Variants in SLC30A8 observed in about 807,000 individuals in gnomAD.
SLC30A8 encodes proton-coupled zinc antiporter SLC30A8.
Under a neutral mutation model 36.9 loss-of-function variants are expected in SLC30A8, and 27 were observed. The ratio of observed to expected loss-of-function variants is 0.73; its 90% CI spans 0.54 to 1.01. The LOEUF (loss-of-function observed/expected upper bound fraction) is 1.01, where lower values mean the gene tolerates loss of function less well. Among genes scored for constraint, SLC30A8 ranks in the 50% least tolerant of loss-of-function variants. The pLI is 0.00. For missense variants in SLC30A8, 439 were observed against 452.0 expected, an observed-to-expected ratio of 0.97 and a Z score of 0.26; for synonymous variants, 164 against 172.4, an observed-to-expected ratio of 0.95 and a Z score of 0.38.
At chr8:117,079,842 G>A (rs111804892) in intron 2 of SLC30A8, among the ~76,000 whole-genome samples, 344 of 152,266 alleles carry the variant, frequency 2.3e-3, no homozygotes, top group African/African-American at 7.8e-3. Flanking sequence ...TGAATTCCCC[G>A]TTGTTAAACT....
rs115844906 is a variant in SLC30A8 at position 117,099,768 on chromosome 8, G to T, written c.-225-35512G>T. 8.5e-3 allele frequency among the ~76,000 whole-genome samples: 1,294 copies of T among 152,244 alleles called. 15 individuals are homozygous for T. Among genetic ancestry groups the T allele is most frequent in the African/African-American group, 0.029 (1,222 of 41,544 alleles). Reference sequence around the variant, plus strand: ...TAAACATACACTAACCGATGGAAGGGTTTATTGATAAAATAAACTCTGAGT... The same window carrying T: ...TAAACATACACTAACCGATGGAAGGTTTTATTGATAAAATAAACTCTGAGT... On this transcript the variant is annotated intron_variant, in intron 2 of 10. Coordinates refer to the SLC30A8 transcript ENST00000427715.
intron 2 of SLC30A8, among the ~76,000 whole-genome samples, chr8:117,120,904 G>A (rs1405189414): frequency 2.0e-5 from 3 of 151,672 alleles, no homozygotes; most frequent in Non-Finnish European, 4.4e-5. Context: ...CTAATCATCA[G>A]AAAAATGCAC....
At chr8:116,954,549 T>C (rs1195121845) in intron 1 of SLC30A8, among the ~76,000 whole-genome samples, 1 of 152,172 alleles carries the variant, frequency 6.6e-6, no homozygotes, top group Non-Finnish European at 1.5e-5. Context: ...TAAAAATATC[T>C]TTTAAATTTA....
intron 2 of SLC30A8, among the ~76,000 whole-genome samples, chr8:117,091,103 A>T (rs1025788809): frequency 6.6e-6 from 1 of 152,050 alleles, no homozygotes; most frequent in African/African-American, 2.4e-5. Context: ...TGGCAGAGCC[A>T]CTTCATCTCA....
intron 2 of SLC30A8, among the ~76,000 whole-genome samples, chr8:117,060,390 G>A (rs1029321198): frequency 1.3e-5 from 2 of 151,996 alleles, no homozygotes; most frequent in African/African-American, 4.8e-5. Context: ...CAAGTGAGTG[G>A]TATTGGTGCT....
chr8:117,072,689 T>A (rs1186500303), intron 2 of SLC30A8, among the ~76,000 whole-genome samples: 1 of 152,174 alleles, frequency 6.6e-6, no homozygotes, highest in Non-Finnish European at 1.5e-5. Flanking sequence ...CCCAGATGTT[T>A]TATAGACCCA....
chr8:116,997,579 C>G (rs745412130), intron 1 of SLC30A8, among the ~76,000 whole-genome samples: 1 of 151,754 alleles, frequency 6.6e-6, no homozygotes, highest in Non-Finnish European at 1.5e-5. Flanking sequence ...AATTTACTTA[C>G]CAAAACCTAA....
chr8:117,019,649 A>G (rs1173254307), intron 1 of SLC30A8, among the ~76,000 whole-genome samples: 1 of 152,184 alleles, frequency 6.6e-6, no homozygotes, highest in East Asian at 1.9e-4. Flanking sequence ...TAGTAATCCC[A>G]GCACCTAGCT....
Position 117,174,219 on chromosome 8 carries a change from A to C in SLC30A8, c.*1538A>C, listed in dbSNP as rs1165299268. ...TGTCAGACTCTAGCAAGGTACTAGAAACCTAGCAGGCATTAATAATTGTTG... is the reference window on the plus strand; with the variant it reads ...TGTCAGACTCTAGCAAGGTACTAGACACCTAGCAGGCATTAATAATTGTTG... On this transcript the variant is annotated 3_prime_UTR_variant, in exon 8 of 8. Coordinates refer to ENST00000456015, the MANE Select transcript of SLC30A8 (RefSeq NM_173851.3). 1 of 152,124 alleles carries C rather than the reference A, an allele frequency of 6.6e-6. No individual in the cohort carries two copies. The highest frequency in any genetic ancestry group is 2.4e-5 in the African/African-American group (1 of 41,436). 9.4% of individuals were successfully genotyped at this position (152,124 alleles called of 1,614,324 possible).
intron 2 of SLC30A8, among the ~76,000 whole-genome samples, chr8:117,112,764 C>G (rs1820284630): frequency 6.6e-6 from 1 of 152,136 alleles, no homozygotes; most frequent in Admixed American, 6.6e-5. Flanking sequence ...GACTCAATAT[C>G]TAGTCCAGGG....
In SLC30A8 at chr8:117,019,512, G is replaced by T. The variant is rs762642064; in HGVS notation, c.-265-19707G>T. 1.1e-4 allele frequency among the ~76,000 whole-genome samples: 16 copies of T among 152,274 alleles called. 1 individual carries two copies. The highest frequency in any genetic ancestry group is 2.1e-4 in the Non-Finnish European group (14 of 68,012). ...TGTCCTATTACAAGAGGGCAACAGA[G>T]TTCAGTTTCATAACTCCCAGTTCTT... On this transcript the variant is annotated intron_variant, in intron 1 of 10. Transcript: ENST00000427715.
intron 6 of SLC30A8, among the ~76,000 whole-genome samples, chr8:117,164,542 G>A (rs945184075): frequency 1.3e-5 from 2 of 152,074 alleles, no homozygotes; most frequent in African/African-American, 2.4e-5. Flanking sequence ...CAACTGTACT[G>A]CAGCCTGGGT....
chr8:117,097,410 A>ATATAT (rs1563593753), intron 2 of SLC30A8, among the ~76,000 whole-genome samples: 8 of 122,716 alleles, frequency 6.5e-5, no homozygotes, highest in South Asian at 2.3e-4. Context: ...AAAAAAAAAA[A>ATATAT]AAAAAAAAAT....
chr8:117,171,656 A>C (rs1823394487), intron 7 of SLC30A8, among the ~76,000 whole-genome samples: 1 of 152,168 alleles, frequency 6.6e-6, no homozygotes, highest in Non-Finnish European at 1.5e-5. Flanking sequence ...CCCACACTGT[A>C]TGATTAGAAA....
At chr8:117,034,648 A>T (rs1817155627) in intron 1 of SLC30A8, among the ~76,000 whole-genome samples, 1 of 152,230 alleles carries the variant, frequency 6.6e-6, no homozygotes, top group African/African-American at 2.4e-5. Flanking sequence ...CTACTACACC[A>T]TGCTGTTTAC....
intron 2 of SLC30A8, among the ~76,000 whole-genome samples, chr8:117,082,030 C>T (rs1818691261): frequency 6.6e-6 from 1 of 152,194 alleles, no homozygotes; most frequent in South Asian, 2.1e-4. Context: ...CATTAGTTAT[C>T]TCCTGAGTCC....
chr8:117,015,034 T>A (rs1283910847), intron 1 of SLC30A8, among the ~76,000 whole-genome samples: 1 of 151,010 alleles, frequency 6.6e-6, no homozygotes, highest in Non-Finnish European at 1.5e-5. Context: ...TATATAGATA[T>A]ACCGAGAGCT....
At position 116,964,044 on chromosome 8, in the gene SLC30A8, C is replaced by A. The variant is rs559303773; in HGVS notation, c.-266+12925C>A. 2.6e-5 allele frequency among the ~76,000 whole-genome samples: 4 copies of A among 152,274 alleles called. No homozygotes were observed. The East Asian group carries it at 7.7e-4, about 29-fold the overall frequency. On this transcript the variant is annotated intron_variant, in intron 1 of 10. Coordinates refer to the SLC30A8 transcript ENST00000427715. The stretch of plus-strand genomic sequence containing the variant: ...GGTATTATGTACTCAGGCATTCATT[C>A]CAGTGTAGTTCACAAGGAGTTTGAT...
chr8:117,022,301 CA>C (rs1166950684), intron 1 of SLC30A8, among the ~76,000 whole-genome samples: 2 of 152,014 alleles, frequency 1.3e-5, no homozygotes, highest in African/African-American at 2.4e-5. Context: ...CACTAACCAT[CA>C]GGGGAAGATT....
Sources: allele counts gnomAD v4.1 joint callset (sites outside exome capture counted in the v4.1 genomes callset), GRCh38; gene constraint gnomAD v4.1.1; transcripts MANE v1.5; gene names NCBI Gene and HGNC (gene_info 2026-07-23, HGNC 2026-07-21).